JAK2: variants seen among roughly 807,000 people sequenced by gnomAD.
JAK2 encodes the protein tyrosine-protein kinase JAK2.
A neutral mutation model predicts 139.3 loss-of-function variants in JAK2; 86 were observed. The ratio of observed to expected loss-of-function variants is 0.62; its 90% CI spans 0.52 to 0.74. JAK2 has a LOEUF of 0.74. Ranked by LOEUF, JAK2 falls within the 30% of genes least tolerant of loss-of-function variation. JAK2 has a pLI of 0.00. For missense variants in JAK2, 1,421 were observed against 1,360.3 expected, an observed-to-expected ratio of 1.04 and a Z score of -0.70; for synonymous variants, 490 against 437.7, an observed-to-expected ratio of 1.12 and a Z score of -1.49.
Position 5,069,807 on chromosome 9 carries a change from C to A in JAK2, c.1514-118C>A, listed in dbSNP as rs181701764. The A allele has an allele frequency of 1.0e-3, 496 of 495,194 alleles. 1 individual carries two copies. The highest frequency in any genetic ancestry group is 9.1e-3 in the African/African-American group (456 of 50,242). 30.7% of individuals were successfully genotyped at this position (495,194 alleles called of 1,614,324 possible). On this transcript the variant is annotated intron_variant, in intron 11 of 24. Transcript: ENST00000381652. ...ATAATTTTCTATTATAAAAAAAGAA[C>A]AATTAGGAGTTATTAAGCATTTCTT...
chr9:4,998,490 C>T (rs574956182), intron 2 of JAK2, among the ~76,000 whole-genome samples: 37 of 152,156 alleles, frequency 2.4e-4, no homozygotes, highest in African/African-American at 6.7e-4. Context: ...CTCCTGACCT[C>T]GTGATCCGCC....
chr9:5,012,382 A>G (rs34140014), intron 2 of JAK2, among the ~76,000 whole-genome samples: 13,467 of 152,152 alleles, frequency 0.089, 1,744 homozygotes, highest in African/African-American at 0.29. Flanking sequence ...ATATATTTTT[A>G]AAAAGTTTAT....
chr9:5,012,230 G>C (rs1399605640), intron 2 of JAK2, among the ~76,000 whole-genome samples: 2 of 152,148 alleles, frequency 1.3e-5, no homozygotes, highest in African/African-American at 2.4e-5. Flanking sequence ...ACAACAGACT[G>C]TGTATGTAGT....
chr9:5,092,304 C>G (rs1820646993), intron 22 of JAK2, among the ~76,000 whole-genome samples: 1 of 152,034 alleles, frequency 6.6e-6, no homozygotes, highest in Non-Finnish European at 1.5e-5. Context: ...GCCTGTCACC[C>G]TCCGCAAATA....
chr9:4,992,219 G>A (rs1433808927), intron 2 of JAK2, among the ~76,000 whole-genome samples: 2 of 152,206 alleles, frequency 1.3e-5, no homozygotes, highest in Non-Finnish European at 2.9e-5. Context: ...CTGTTAACTG[G>A]AGCATGTACA....
chr9:5,013,597 T>A (rs1197504428), intron 2 of JAK2, among the ~76,000 whole-genome samples: 1 of 152,196 alleles, frequency 6.6e-6, no homozygotes, highest in Non-Finnish European at 1.5e-5. Context: ...ACATTCCTCT[T>A]TCCATGTTTT....
chr9:5,034,091 C>T (rs1312199228), intron 4 of JAK2, among the ~76,000 whole-genome samples: 4 of 152,090 alleles, frequency 2.6e-5, no homozygotes, highest in Admixed American at 6.5e-5. Context: ...GATTGCAATC[C>T]TAGTCTCGGA....
chr9:5,070,689 G>A (rs1344250336), intron 12 of JAK2, among the ~76,000 whole-genome samples: 1 of 152,000 alleles, frequency 6.6e-6, no homozygotes, highest in African/African-American at 2.4e-5. Context: ...AACCCGCCCT[G>A]CCAGTACAGA....
At chr9:5,020,894 T>C (rs1220799202) in intron 2 of JAK2, among the ~76,000 whole-genome samples, 11 of 152,012 alleles carry the variant, frequency 7.2e-5, no homozygotes, top group Admixed American at 6.5e-4. Flanking sequence ...CTGGTGTGGG[T>C]TGGGCTTTAA....
chr9:5,050,673 T>C lies in JAK2; in HGVS notation c.469-13T>C. On this transcript the variant is annotated splice_polypyrimidine_tract_variant and intron_variant, in intron 5 of 24. Coordinates refer to ENST00000381652, the MANE Select transcript of JAK2 (RefSeq NM_004972.4). ...CTTACGATGAGATATTTCCTTCAAATTTTTGGTTTTAGTGGCGGCATGATT... is the reference window on the plus strand; with the variant it reads ...CTTACGATGAGATATTTCCTTCAAACTTTTGGTTTTAGTGGCGGCATGATT... 1.9e-6 allele frequency: 3 copies of C among 1,606,468 alleles called. No individual in the cohort carries two copies. The highest frequency in any genetic ancestry group is 2.6e-6 in the Non-Finnish European group (3 of 1,176,090).
At chr9:5,089,537 CAAAAAAAA>C (rs58042774) in intron 19 of JAK2, 129 bp from the exon 20 acceptor site, 1,302 of 87,028 alleles carry the variant, frequency 0.015, 16 homozygotes, top group Admixed American at 0.025. Context: ...GACTTCGTCT[CAAAAAAAA>C]AAAAAAAAAA....
chr9:5,050,711 G>C lies in JAK2; in HGVS notation c.494G>C (p.Trp165Ser). Residue 165 changes from tryptophan (W) to serine (S), a missense_variant, in exon 6 of 25, where the codon TGG (tryptophan) becomes TCG (serine). Physicochemically the swap from Trp to Ser is radical, Grantham distance 177 (BLOSUM62 -3). Transcript: ENST00000381652. ...AQWRHDFVHGWIKVPVTHETQ... is the reference protein window; with the variant it reads ...AQWRHDFVHGSIKVPVTHETQ... ...TGGCGGCATGATTTTGTGCACGGAT[G>C]GATAAAAGTACCTGTGACTCATGAA... 1 of 1,613,632 alleles carries C rather than the reference G, an allele frequency of 6.2e-7. No individual in the cohort carries two copies. Among genetic ancestry groups the C allele is most frequent in the Non-Finnish European group, 8.5e-7 (1 of 1,179,744 alleles).
chr9:5,073,858 C>A, intron 14 of JAK2, 73 bp downstream of exon 14: 1 of 955,208 alleles, frequency 1.0e-6, no homozygotes, highest in Non-Finnish European at 1.6e-6. Context: ...AATTCAGTTT[C>A]AGGATCACAG....
At chr9:5,114,284 G>C in intron 22 of JAK2, 1 of 543,254 alleles carries the variant, frequency 1.8e-6, no homozygotes, top group Non-Finnish European at 3.6e-6. Context: ...CCAGCAAGGA[G>C]AACGTGAAGC....
intron 22 of JAK2, chr9:5,112,335 C>T (rs918510496): frequency 6.2e-6 from 2 of 320,426 alleles, no homozygotes; most frequent in African/African-American, 4.4e-5. Flanking sequence ...CCCGACCTCT[C>T]TTGGCCTTCC....
At chr9:5,004,569 G>A (rs1008943014) in intron 2 of JAK2, among the ~76,000 whole-genome samples, 19 of 151,912 alleles carry the variant, frequency 1.3e-4, no homozygotes. Flanking sequence ...CTTTATCTTG[G>A]CTATTAAGAA....
chr9:5,079,426 C>G (rs1420980883), intron 16 of JAK2, among the ~76,000 whole-genome samples: 2 of 151,940 alleles, frequency 1.3e-5, no homozygotes, highest in Non-Finnish European at 2.9e-5. Context: ...CCACCTATAT[C>G]AATTCCATAT....
chr9:4,997,101 A>G (rs1353398287), intron 2 of JAK2, among the ~76,000 whole-genome samples: 1 of 150,306 alleles, frequency 6.7e-6, no homozygotes, highest in Non-Finnish European at 1.5e-5. Flanking sequence ...GCTAATTTTT[A>G]TATTTTTTTT....
At chr9:5,049,629 C>A (rs1817274498) in intron 5 of JAK2, among the ~76,000 whole-genome samples, 1 of 152,190 alleles carries the variant, frequency 6.6e-6, no homozygotes, top group Non-Finnish European at 1.5e-5. Flanking sequence ...TTCTGTTTCG[C>A]TTCTAAGCTA....
Sources: allele counts gnomAD v4.1 joint callset (sites outside exome capture counted in the v4.1 genomes callset), GRCh38; gene constraint gnomAD v4.1.1; transcripts MANE v1.5; gene names NCBI Gene and HGNC (gene_info 2026-07-23, HGNC 2026-07-21).